The following TBCK variants were observed in gnomAD, a reference collection of about 807,000 sequenced individuals.
The protein encoded by TBCK is TBC1 domain containing kinase.
Under a neutral mutation model 113.4 loss-of-function variants are expected in TBCK, and 99 were observed. The observed-to-expected ratio is 0.87, with a 90% CI of 0.74 to 1.03. The LOEUF (loss-of-function observed/expected upper bound fraction) is 1.03. Ranked by LOEUF, TBCK falls within the 50% of genes least tolerant of loss-of-function variation. TBCK has a pLI of 0.00. For synonymous variants in TBCK, 369 were observed against 370.8 expected, an observed-to-expected ratio of 1.00 and a Z score of 0.05; for missense variants, 1,045 against 1,061.3, an observed-to-expected ratio of 0.98 and a Z score of 0.21.
At position 106,315,911 on chromosome 4, in the gene TBCK, T is replaced by G. The variant is rs2125914399; in HGVS notation, c.-30+20A>C. The G allele has an allele frequency of 6.5e-6, 1 of 152,984 alleles. No individual in the cohort carries two copies. Among genetic ancestry groups the G allele is most frequent in the South Asian group, 2.1e-4 (1 of 4,858 alleles). 9.5% of individuals were successfully genotyped at this position (152,984 alleles called of 1,614,324 possible). On this transcript the variant is annotated intron_variant, in intron 1 of 25. Coordinates refer to ENST00000394708, the MANE Select transcript of TBCK (RefSeq NM_001163435.3). ...CCCCACCCACTACGACACGGAAAAC[T>G]GGATTACCCAAATACCTGCCTCTGA... is the stretch of plus-strand genomic sequence containing the variant.
intron 20 of TBCK, among the ~76,000 whole-genome samples, chr4:106,195,789 A>T (rs1308749560): frequency 6.6e-6 from 1 of 151,926 alleles, no homozygotes; most frequent in East Asian, 1.9e-4. Flanking sequence ...TCTCAATTAT[A>T]CCACTGGCTT....
chr4:106,083,988 C>G (rs372635216), intron 25 of TBCK, among the ~76,000 whole-genome samples: 1 of 152,274 alleles, frequency 6.6e-6, no homozygotes, highest in South Asian at 2.1e-4. Flanking sequence ...GGGAAAGAAT[C>G]AACAAAAAAA....
intron 25 of TBCK, among the ~76,000 whole-genome samples, chr4:106,050,488 T>C (rs1326361546): frequency 6.6e-6 from 1 of 152,076 alleles, no homozygotes; most frequent in African/African-American, 2.4e-5. Flanking sequence ...ATTCAGATTA[T>C]GTTCTTTGAT....
chr4:106,167,076 T>A (rs1750453107), intron 23 of TBCK, among the ~76,000 whole-genome samples: 1 of 148,836 alleles, frequency 6.7e-6, no homozygotes, highest in Admixed American at 6.7e-5. Flanking sequence ...ATAAACTTAT[T>A]CATATATATA....
Position 106,247,155 on chromosome 4 carries a change from G to A in TBCK, c.915C>T (p.Ile305=), listed in dbSNP as rs183683987. 9 of 1,612,858 alleles carry A rather than the reference G, an allele frequency of 5.6e-6. No individual in the cohort carries two copies. The highest frequency in any genetic ancestry group is 5.3e-5 in the African/African-American group (4 of 74,966). ...TATCATTACCTTTACACAACTGACT[G>A]ATATCCTCAGGCAGAGTTAAATCAG... The part of the protein sequence containing the change: ...RCADLTLPED[I]SQLCKDINND... Residue 305 remains isoleucine, a synonymous_variant, in exon 10 of 26, where the codon ATC becomes ATT. Coordinates refer to ENST00000394708, the MANE Select transcript of TBCK (RefSeq NM_001163435.3).
intron 23 of TBCK, among the ~76,000 whole-genome samples, chr4:106,129,641 T>C (rs1745645055): frequency 6.6e-6 from 1 of 152,136 alleles, no homozygotes; most frequent in Admixed American, 6.5e-5. Flanking sequence ...TATAAACATA[T>C]ACTTGACAAA....
chr4:106,217,445 A>G, intron 19 of TBCK, among the ~76,000 whole-genome samples: 1 of 152,198 alleles, frequency 6.6e-6, no homozygotes, highest in Admixed American at 6.5e-5. Flanking sequence ...TTTGCAGATG[A>G]CATGATTGTA....
chr4:106,111,016 AACGGAGCCACTAGCCCATTT>A (rs1742788495), intron 24 of TBCK, among the ~76,000 whole-genome samples: 2 of 152,102 alleles, frequency 1.3e-5, no homozygotes, highest in South Asian at 4.1e-4. Flanking sequence ...CATTAAAGAA[AACGGAGCCACTAGCCCATTT>A]ACAAGAGGGT....
At chr4:106,066,611 T>C (rs1736670443) in intron 25 of TBCK, among the ~76,000 whole-genome samples, 1 of 152,036 alleles carries the variant, frequency 6.6e-6, no homozygotes, top group Non-Finnish European at 1.5e-5. Context: ...TGTACAACCA[T>C]CACCACTAGT....
intron 23 of TBCK, among the ~76,000 whole-genome samples, chr4:106,128,272 T>C (rs1745463010): frequency 6.6e-6 from 1 of 152,202 alleles, no homozygotes; most frequent in African/African-American, 2.4e-5. Flanking sequence ...TTGTAGAGCA[T>C]ACCAGAAGAA....
At chr4:106,170,493 CCAT>C (rs1167871178) in intron 23 of TBCK, among the ~76,000 whole-genome samples, 1 of 151,704 alleles carries the variant, frequency 6.6e-6, no homozygotes, top group Non-Finnish European at 1.5e-5. Context: ...ATGAATGTAC[CCAT>C]ATATTTGGGG....
chr4:106,192,540 T>C (rs1378856709), intron 22 of TBCK, among the ~76,000 whole-genome samples: 2 of 152,088 alleles, frequency 1.3e-5, no homozygotes, highest in Non-Finnish European at 2.9e-5. Flanking sequence ...TTAATTAAAA[T>C]TTGATAAGTC....
rs75815961 is a variant in TBCK, at chr4:106,197,459, C to T, written c.1861-2705G>A. Reference sequence around the variant, plus strand: ...ATACAAAGTAGGGCAGAAACCACTTCAAATGATCAGAGTGAAAAAATGCCA... The same window carrying T: ...ATACAAAGTAGGGCAGAAACCACTTTAAATGATCAGAGTGAAAAAATGCCA... On this transcript the variant is annotated intron_variant, in intron 20 of 25. Coordinates refer to ENST00000394708, the MANE Select transcript of TBCK (RefSeq NM_001163435.3). Among the ~76,000 whole-genome samples the T allele has an allele frequency of 1.1e-3, 157 of 143,546 alleles. 1 individual carries two copies. The East Asian group carries it at 0.028, about 26-fold the overall frequency. The allele number at this position is 143,546 out of a possible 152,430, so 94.2% of individuals were successfully genotyped here. A position where few individuals can be genotyped will look rare whatever the true frequency, so the allele number is the denominator to read the frequency against.
chr4:106,231,844 A>T (rs930528172), intron 17 of TBCK, 65 bp from the exon 18 acceptor site: 10 of 1,373,824 alleles, frequency 7.3e-6, no homozygotes, highest in Non-Finnish European at 1.0e-5. Flanking sequence ...GAAGATATAT[A>T]CCTTATTCAA....
chr4:106,205,282 CT>C (rs1201873603), intron 20 of TBCK, among the ~76,000 whole-genome samples: 1 of 152,048 alleles, frequency 6.6e-6, no homozygotes, highest in Non-Finnish European at 1.5e-5. Context: ...GTTGGAAGAT[CT>C]GTGTAACTCA....
At chr4:106,283,465 C>G (rs1032432282) in intron 3 of TBCK, among the ~76,000 whole-genome samples, 2 of 152,020 alleles carry the variant, frequency 1.3e-5, no homozygotes, top group South Asian at 2.1e-4. Flanking sequence ...CGAAGGGAAA[C>G]AGTAAGATGT....
chr4:106,230,361 AC>A lies in TBCK; in HGVS notation c.1774+1del. 6.4e-7 allele frequency: 1 copy of A among 1,563,008 alleles called. No individual in the cohort carries two copies. On this transcript the variant is annotated splice_donor_variant, in intron 19 of 25. Coordinates refer to ENST00000394708, the MANE Select transcript of TBCK (RefSeq NM_001163435.3). LOFTEE classifies it high-confidence loss of function. ...AGAAAGACATGGAAGACATTTGCTT[AC>A]CTTGTATTACATGTGAGTTGTCTTT...
intron 2 of TBCK, among the ~76,000 whole-genome samples, chr4:106,303,915 G>A (rs886337924): frequency 3.9e-5 from 6 of 152,006 alleles, no homozygotes; most frequent in Admixed American, 1.3e-4. Flanking sequence ...CTCCACCCTC[G>A]GATCATGACC....
rs184821062 is a variant in TBCK at position 106,280,364 on chromosome 4, C to T, written c.266+14730G>A. 1.3e-3 allele frequency among the ~76,000 whole-genome samples: 195 copies of T among 152,098 alleles called. 1 individual carries two copies. Among genetic ancestry groups the T allele is most frequent in the Admixed American group, 2.8e-3 (43 of 15,266 alleles). ...GTCAGACAGTTTACAAATATTTATT[C>T]CCAATCTGTGAGTGTCTCTTCACTT... On this transcript the variant is annotated intron_variant, in intron 3 of 25. Transcript: ENST00000394708.
Sources: allele counts gnomAD v4.1 joint callset (sites outside exome capture counted in the v4.1 genomes callset), GRCh38; gene constraint gnomAD v4.1.1; transcripts MANE v1.5; gene names NCBI Gene and HGNC (gene_info 2026-07-23, HGNC 2026-07-21).